The following CSNK1E variants were observed in gnomAD, a reference collection of about 807,000 sequenced individuals.
The protein encoded by CSNK1E is casein kinase 1 epsilon.
A neutral mutation model predicts 46.1 loss-of-function variants in CSNK1E; 17 were observed. The observed-to-expected ratio is 0.37, with a 90% CI of 0.25 to 0.55. The LOEUF is 0.55. Among genes scored for constraint, CSNK1E ranks in the 20% least tolerant of loss-of-function variants. CSNK1E has a pLI of 0.82. For synonymous variants in CSNK1E, 241 were observed against 242.6 expected (o/e 0.99, Z 0.06); for missense variants, 386 against 595.4 (o/e 0.65, Z 3.66).
intron 7 of CSNK1E, among the ~76,000 whole-genome samples, chr22:38,295,772 T>C (rs1422274011): frequency 6.6e-6 from 1 of 152,186 alleles, no homozygotes; most frequent in Non-Finnish European, 1.5e-5. Context: ...TAGAACACTC[T>C]AGAAGATGCA....
chr22:38,308,483 C>T (rs1002899630), intron 2 of CSNK1E, among the ~76,000 whole-genome samples: 3 of 152,054 alleles, frequency 2.0e-5, no homozygotes, highest in East Asian at 1.9e-4. Flanking sequence ...AATCCTGACT[C>T]GGACATCCCC....
At chr22:38,299,506 G>C (rs1036938602) in intron 6 of CSNK1E, among the ~76,000 whole-genome samples, 1 of 152,186 alleles carries the variant, frequency 6.6e-6, no homozygotes, top group Non-Finnish European at 1.5e-5. Context: ...AAGGGCTGTG[G>C]GGCAGCCCAG....
Position 38,317,119 on chromosome 22 carries a change from G to A in CSNK1E, c.-13+41C>T, listed in dbSNP as rs1434630169. ...GCTGAGGGAGCCCGATTCCCCCCAG[G>A]TTTGCACCCTTCCGCGGGCCCGCGG... On this transcript the variant is annotated intron_variant, in intron 1 of 10. Coordinates refer to ENST00000396832, the MANE Select transcript of CSNK1E (RefSeq NM_152221.3). The A allele has an allele frequency of 4.6e-5, 7 of 151,324 alleles. 1 individual carries two copies. In the East Asian group the frequency reaches 1.4e-3, roughly 30 times the overall value. The allele number at this position is 151,324 out of a possible 1,614,324, so 9.4% of individuals were successfully genotyped here.
chr22:38,315,786 G>T (rs143947341), intron 1 of CSNK1E, among the ~76,000 whole-genome samples: 1 of 151,974 alleles, frequency 6.6e-6, no homozygotes, highest in Non-Finnish European at 1.5e-5. Context: ...TACCCACGCC[G>T]GGTTATATAA....
Position 38,303,641 on chromosome 22 carries a change from T to C in CSNK1E, c.77-393A>G, listed in dbSNP as rs1481802513. 1.3e-5 allele frequency among the ~76,000 whole-genome samples: 2 copies of C among 152,082 alleles called. No individual in the cohort carries two copies. ...GGTGGCACGTGCAGAAGAGGCCCAA[T>C]GGGGCTGGGCTGCCGAACACACCAG... On this transcript the variant is annotated intron_variant, in intron 2 of 10. Coordinates refer to ENST00000396832, the MANE Select transcript of CSNK1E (RefSeq NM_152221.3). This position sits in a 1 kb window ranked among gnomAD's most constrained non-coding sequence, Gnocchi z 4.7.
intron 2 of CSNK1E, among the ~76,000 whole-genome samples, chr22:38,307,454 G>C (rs1033104981): frequency 6.6e-5 from 10 of 152,078 alleles, no homozygotes; most frequent in Non-Finnish European, 1.3e-4. Flanking sequence ...AGGAGGCTGA[G>C]GTAGGAGAAT....
chr22:38,311,654 C>T (rs752083578), intron 2 of CSNK1E, among the ~76,000 whole-genome samples: 4 of 152,172 alleles, frequency 2.6e-5, no homozygotes, highest in Non-Finnish European at 5.9e-5. Flanking sequence ...ACTCCAATTT[C>T]ACAAACAGTA....
intron 2 of CSNK1E, 80 bp downstream of exon 2, chr22:38,314,002 T>A: frequency 3.1e-6 from 4 of 1,284,580 alleles, no homozygotes; most frequent in Non-Finnish European, 4.5e-6. Context: ...TGACTTCAGA[T>A]CCCCAAATCC....
intron 1 of CSNK1E, among the ~76,000 whole-genome samples, chr22:38,315,453 C>T (rs2092740168): frequency 6.6e-6 from 1 of 152,232 alleles, no homozygotes; most frequent in Admixed American, 6.5e-5. Flanking sequence ...CAATCAAGGG[C>T]CGCTGCCCAT....
chr22:38,315,836 C>T (rs1301550866), intron 1 of CSNK1E, among the ~76,000 whole-genome samples: 1 of 152,156 alleles, frequency 6.6e-6, no homozygotes, highest in African/African-American at 2.4e-5. Flanking sequence ...CATAAATATA[C>T]TGCACATGAC....
chr22:38,293,377 A>T, intron 9 of CSNK1E, 58 bp from the exon 10 acceptor site: 1 of 1,115,796 alleles, frequency 9.0e-7, no homozygotes, highest in Non-Finnish European at 1.3e-6. Flanking sequence ...ACAAGCTTCA[A>T]GTCAAGTCCC....
At chr22:38,296,361 G>C (rs1217757823) in intron 7 of CSNK1E, 21 of 1,390,838 alleles carry the variant, frequency 1.5e-5, no homozygotes, top group Non-Finnish European at 1.9e-5. Context: ...TGTATGTGCT[G>C]AGAGTGGCTT....
chr22:38,306,251 A>G (rs1396532802), intron 2 of CSNK1E, among the ~76,000 whole-genome samples: 1 of 152,232 alleles, frequency 6.6e-6, no homozygotes, highest in Non-Finnish European at 1.5e-5. Flanking sequence ...ACATGACTGT[A>G]CAGGGCTAAG....
Position 38,298,995 on chromosome 22 carries a change from G to A in CSNK1E, c.737-61C>T, listed in dbSNP as rs1214987349. The A allele has an allele frequency of 3.8e-6, 6 of 1,595,258 alleles. No individual in the cohort carries two copies. The African/African-American group carries it at 6.7e-5, about 18-fold the overall frequency. ...TGAGGCCCACGCTCCCAGACCCCCT[G>A]CAGCCAGCACTGTCCTAGCCACCCA... is the stretch of plus-strand genomic sequence containing the variant. On this transcript the variant is annotated intron_variant, in intron 6 of 10. Coordinates refer to ENST00000396832, the MANE Select transcript of CSNK1E (RefSeq NM_152221.3). The surrounding 1 kb of genome is among the most constrained non-coding windows in gnomAD (Gnocchi z 4.2).
At chr22:38,311,703 G>A (rs1374119826) in intron 2 of CSNK1E, among the ~76,000 whole-genome samples, 1 of 152,146 alleles carries the variant, frequency 6.6e-6, no homozygotes, top group Non-Finnish European at 1.5e-5. Context: ...GAAGACTGAG[G>A]CTCAGAATGA....
chr22:38,298,470 T>G lies in CSNK1E; in HGVS notation c.885+316A>C, dbSNP rs1385085832. The G allele has an allele frequency of 1.3e-5, 5 of 394,156 alleles. No individual in the cohort carries two copies. The highest frequency in any genetic ancestry group is 2.4e-5 in the Non-Finnish European group (5 of 207,010). 24.4% of individuals were successfully genotyped at this position (394,156 alleles called of 1,614,324 possible). On this transcript the variant is annotated intron_variant, in intron 7 of 10. Transcript: ENST00000396832. This position sits in a 1 kb window ranked among gnomAD's most constrained non-coding sequence, Gnocchi z 4.2. ...AGCAGCAGGACGGTGTAGGCAGCAA[T>G]CAGGGCAGCAGGGGGCGCCGCCAGC...
rs1270372438 is a variant in CSNK1E at position 38,303,537 on chromosome 22, C to T, written c.77-289G>A. ...GTGAGTGGGGCAAGGGTCAGGTATG[C>T]AAAAGGCTCACAGACCACCTAAGGG... On this transcript the variant is annotated intron_variant, in intron 2 of 10. Transcript: ENST00000396832. This position sits in a 1 kb window ranked among gnomAD's most constrained non-coding sequence, Gnocchi z 4.7. Among the ~76,000 whole-genome samples, 2 of 152,202 alleles carry T rather than the reference C, an allele frequency of 1.3e-5. No homozygotes were observed. Among genetic ancestry groups the T allele is most frequent in the Non-Finnish European group, 2.9e-5 (2 of 68,036 alleles).
chr22:38,296,678 G>A (rs974440680), intron 7 of CSNK1E: 4 of 1,612,052 alleles, frequency 2.5e-6, no homozygotes, highest in Non-Finnish European at 3.4e-6. Context: ...GTGGAGAGGT[G>A]CTCCTGGCCT....
intron 2 of CSNK1E, among the ~76,000 whole-genome samples, chr22:38,312,623 T>C (rs184033883): frequency 5.3e-5 from 8 of 152,222 alleles, no homozygotes; most frequent in African/African-American, 9.6e-5. Flanking sequence ...AGGGTGTCCA[T>C]AGGGGAGGCT....
Sources: gnomAD v4.1 joint callset for allele counts (sites outside exome capture counted in the v4.1 genomes callset) on GRCh38, gnomAD v4.1.1 for gene constraint, Gnocchi (gnomAD v3.1) non-coding constraint, MANE v1.5 for transcripts, NCBI Gene and HGNC (gene_info 2026-07-23, HGNC 2026-07-21) for gene names.